GRK5: variants seen among roughly 807,000 people sequenced by gnomAD.
GRK5 encodes G protein-coupled receptor kinase 5, also known as g protein-coupled receptor kinase GRK5.
In GRK5, 40 loss-of-function variants were observed where a neutral mutation model predicts 78.4. The observed-to-expected ratio is 0.51, with a 90% CI of 0.40 to 0.66. GRK5 has a LOEUF of 0.66. GRK5 is among the 30% of genes least tolerant of loss of function. GRK5 has a pLI of 0.00. For synonymous variants in GRK5, 289 were observed against 296.8 expected (o/e 0.97, Z 0.27); for missense variants, 598 against 759.9 (o/e 0.79, Z 2.50).
intron 1 of GRK5, among the ~76,000 whole-genome samples, chr10:119,315,328 G>T (rs1850468027): frequency 6.6e-6 from 1 of 152,190 alleles, no homozygotes; most frequent in Non-Finnish European, 1.5e-5. Context: ...GCCTGTAATT[G>T]GGATCTCGCC....
intron 2 of GRK5, among the ~76,000 whole-genome samples, chr10:119,380,498 G>A (rs1290407187): frequency 6.6e-6 from 1 of 152,216 alleles, no homozygotes; most frequent in Non-Finnish European, 1.5e-5. Flanking sequence ...ACTGTAATCA[G>A]AGAATGTGAT....
chr10:119,329,312 C>T (rs867520061), intron 2 of GRK5, among the ~76,000 whole-genome samples: 2 of 152,232 alleles, frequency 1.3e-5, no homozygotes, highest in South Asian at 2.1e-4. Flanking sequence ...CTGTCCTTCC[C>T]GCTAAGGACA....
At chr10:119,255,671 C>T (rs77726609) in intron 1 of GRK5, among the ~76,000 whole-genome samples, 3,215 of 152,336 alleles carry the variant, frequency 0.021, 58 homozygotes, top group Admixed American at 0.054. Flanking sequence ...TGGCCGTTCC[C>T]GCCATGCCTG....
chr10:119,287,793 A>T (rs1849881585), intron 1 of GRK5, among the ~76,000 whole-genome samples: 1 of 152,192 alleles, frequency 6.6e-6, no homozygotes, highest in Non-Finnish European at 1.5e-5. Flanking sequence ...CTATGTGGTC[A>T]TGGGATGTGT....
rs1183974978 is a variant in GRK5, at chr10:119,430,231, G to A, written c.534-144G>A. 1 of 723,860 alleles carries A rather than the reference G, an allele frequency of 1.4e-6. No individual in the cohort carries two copies. Among genetic ancestry groups the A allele is most frequent in the East Asian group, 2.6e-5 (1 of 38,412 alleles). The allele number at this position is 723,860 out of a possible 1,614,324, so 44.8% of individuals were successfully genotyped here. On this transcript the variant is annotated intron_variant, in intron 6 of 15. Transcript: ENST00000392870. The surrounding 1 kb of genome is among the most constrained non-coding windows in gnomAD (Gnocchi z 4.5). ...TAAGTCCTCGAAGGTCCAGTCTCCA[G>A]CGATGATTCCTGGGGGGTCCCTGGG... is the stretch of plus-strand genomic sequence containing the variant.
Position 119,455,538 on chromosome 10 carries a change from T to TA in GRK5, c.*471_*472insA. The TA allele has an allele frequency of 1.2e-4, 32 of 258,144 alleles. No individual in the cohort carries two copies. The highest frequency in any genetic ancestry group is 1.4e-3 in the Middle Eastern group (1 of 718). 16.0% of individuals were successfully genotyped at this position (258,144 alleles called of 1,614,324 possible). ...AGGCATTTTAGCGGGGAGGGGGTTA[T>TA]CAAAAAAAAAAAAATGTGACTCAAG... On this transcript the variant is annotated 3_prime_UTR_variant, in exon 16 of 16. Transcript: ENST00000392870.
intron 2 of GRK5, among the ~76,000 whole-genome samples, chr10:119,337,761 A>G (rs1231760971): frequency 6.6e-6 from 1 of 151,900 alleles, no homozygotes; most frequent in African/African-American, 2.4e-5. Flanking sequence ...CTGGGATTAC[A>G]GGCACCCGCC....
Position 119,207,731 on chromosome 10 carries a change from CGGCT to C in GRK5, c.-186_-183del. 5.4e-6 allele frequency: 3 copies of C among 551,864 alleles called. No homozygotes were observed. Among genetic ancestry groups the C allele is most frequent in the Admixed American group, 4.0e-5 (1 of 25,052 alleles). 34.2% of individuals were successfully genotyped at this position (551,864 alleles called of 1,614,324 possible). A position where few individuals can be genotyped will look rare whatever the true frequency, so the allele number is the denominator to read the frequency against. ...GCGGCGGCGGCGGCGGCGGCGGCGGCGGCTCCTCTTTGCAGAGGGGGAAACTCTT... is the reference window on the plus strand; with the variant it reads ...GCGGCGGCGGCGGCGGCGGCGGCGGCCCTCTTTGCAGAGGGGGAAACTCTT... On this transcript the variant is annotated 5_prime_UTR_variant, in exon 1 of 16. Coordinates refer to ENST00000392870, the MANE Select transcript of GRK5 (RefSeq NM_005308.3).
intron 1 of GRK5, among the ~76,000 whole-genome samples, chr10:119,228,368 AACC>A (rs1455200481): frequency 6.7e-6 from 1 of 150,150 alleles, no homozygotes; most frequent in Non-Finnish European, 1.5e-5. Flanking sequence ...CAAAACAAAA[AACC>A]AACCCGCCCC....
intron 4 of GRK5, among the ~76,000 whole-genome samples, chr10:119,414,270 C>T (rs1302674808): frequency 6.6e-6 from 1 of 152,220 alleles, no homozygotes; most frequent in Non-Finnish European, 1.5e-5. Flanking sequence ...AGTGGACAGT[C>T]TCCCGGGCCG....
intron 4 of GRK5, among the ~76,000 whole-genome samples, chr10:119,421,747 A>G (rs1315768988): frequency 2.0e-5 from 3 of 152,234 alleles, no homozygotes; most frequent in Admixed American, 6.5e-5. Context: ...CTGCCCCCCA[A>G]GAAGCTGAAG....
intron 4 of GRK5, among the ~76,000 whole-genome samples, chr10:119,400,444 A>G (rs1852130720): frequency 6.6e-6 from 1 of 152,162 alleles, no homozygotes; most frequent in African/African-American, 2.4e-5. Context: ...GGGGGAGGGA[A>G]GTGCTCCTAG....
intron 10 of GRK5, among the ~76,000 whole-genome samples, chr10:119,441,797 G>A (rs777370203): frequency 7.9e-5 from 12 of 152,300 alleles, no homozygotes; most frequent in Middle Eastern, 3.4e-3. Flanking sequence ...CACTCCTGAA[G>A]AGTGGGCATT....
chr10:119,444,058 A>AAG (rs1440298073), intron 12 of GRK5, among the ~76,000 whole-genome samples: 1 of 152,020 alleles, frequency 6.6e-6, no homozygotes, highest in Non-Finnish European at 1.5e-5. Flanking sequence ...CAGGGCGGAG[A>AAG]AGAGATGGTC....
At position 119,452,634 on chromosome 10, in the gene GRK5, C is replaced by T. The variant is rs754929862; in HGVS notation, c.1405-37C>T. On this transcript the variant is annotated intron_variant, in intron 13 of 15. Coordinates refer to ENST00000392870, the MANE Select transcript of GRK5 (RefSeq NM_005308.3). The surrounding 1 kb of genome is among the most constrained non-coding windows in gnomAD (Gnocchi z 4.4). ...GGCTCGGGGCCACTGGAGCCGCAGG[C>T]GGGACATATGTGTGACCGGCCCTCT... 1.7e-5 allele frequency: 28 copies of T among 1,611,306 alleles called. No individual in the cohort carries two copies. The highest frequency in any genetic ancestry group is 2.2e-5 in the Non-Finnish European group (26 of 1,178,760).
chr10:119,332,613 C>A (rs545173499), intron 2 of GRK5, among the ~76,000 whole-genome samples: 2 of 152,194 alleles, frequency 1.3e-5, no homozygotes, highest in Non-Finnish European at 2.9e-5. Context: ...TTTTTCTCCA[C>A]CCCAGTCCAT....
chr10:119,370,868 A>C (rs1851534877), intron 2 of GRK5, among the ~76,000 whole-genome samples: 1 of 151,218 alleles, frequency 6.6e-6, no homozygotes, highest in African/African-American at 2.4e-5. Flanking sequence ...AGCCCCCCGT[A>C]ACCTGGTATT....
rs968679881 is a variant in GRK5 at position 119,217,619 on chromosome 10, G to A, written c.52+9650G>A. ...AAGGGACTGGATGTGAAGCCCCATG[G>A]GTGGTGGTGGTGGGGACAGTCATGG... On this transcript the variant is annotated intron_variant, in intron 1 of 15. Transcript: ENST00000392870. The surrounding 1 kb of genome is among the most constrained non-coding windows in gnomAD (Gnocchi z 4.1). Among the ~76,000 whole-genome samples the A allele has an allele frequency of 2.0e-5, 3 of 152,236 alleles. No homozygotes were observed. The highest frequency in any genetic ancestry group is 4.8e-5 in the African/African-American group (2 of 41,458).
At chr10:119,269,396 C>G (rs944505819) in intron 1 of GRK5, among the ~76,000 whole-genome samples, 6 of 152,262 alleles carry the variant, frequency 3.9e-5, no homozygotes, top group Admixed American at 2.6e-4. Context: ...CCTGAACATG[C>G]AGCCGAGGGT....
Sources: allele counts gnomAD v4.1 joint callset (sites outside exome capture counted in the v4.1 genomes callset), GRCh38; gene constraint gnomAD v4.1.1; non-coding constraint Gnocchi (gnomAD v3.1); transcripts MANE v1.5; gene names NCBI Gene and HGNC (gene_info 2026-07-23, HGNC 2026-07-21).